Variants in CDIN1 observed in about 807,000 individuals in gnomAD.
The protein encoded by CDIN1 is CDAN1 interacting nuclease 1.
Under a neutral mutation model 45.3 loss-of-function variants are expected in CDIN1, and 33 were observed. The ratio of observed to expected loss-of-function variants is 0.73; its 90% CI spans 0.55 to 0.97. The LOEUF (loss-of-function observed/expected upper bound fraction) is 0.97. Among genes scored for constraint, CDIN1 ranks in the 50% least tolerant of loss-of-function variants. The pLI is 0.00. For missense variants in CDIN1, 303 were observed against 339.4 expected, an observed-to-expected ratio of 0.89 and a Z score of 0.84; for synonymous variants, 118 against 124.4, an observed-to-expected ratio of 0.95 and a Z score of 0.34.
chr15:36,749,313 A>G (rs2053394375), intron 10 of CDIN1, among the ~76,000 whole-genome samples: 1 of 152,190 alleles, frequency 6.6e-6, no homozygotes, highest in African/African-American at 2.4e-5. Flanking sequence ...TGTGATTAAG[A>G]CAAACCAGAT....
At chr15:36,790,347 T>C (rs1223043704) in intron 10 of CDIN1, 1 of 152,206 alleles carries the variant, frequency 6.6e-6, no homozygotes. Flanking sequence ...TGGATTTGTG[T>C]TAACCTAAAA....
At chr15:36,585,011 T>G (rs1279627748) in intron 1 of CDIN1, among the ~76,000 whole-genome samples, 6 of 152,230 alleles carry the variant, frequency 3.9e-5, no homozygotes, top group African/African-American at 1.4e-4. Flanking sequence ...TTGATTGACA[T>G]TTTTTAATCT....
intron 8 of CDIN1, among the ~76,000 whole-genome samples, chr15:36,702,956 T>A (rs998875756): frequency 2.6e-5 from 4 of 151,624 alleles, no homozygotes; most frequent in Non-Finnish European, 5.9e-5. Flanking sequence ...ATCCCAGCAC[T>A]TTGGGAGGCT....
In CDIN1 at chr15:36,677,958, C is replaced by A. The variant is rs1204088768; in HGVS notation, c.347-13727C>A. ...CTATAAGGCTGCAAGTTGCCTGAGA[C>A]AAGGTTCCGATCAGTCTGAACACTC... On this transcript the variant is annotated intron_variant, in intron 5 of 10. Transcript: ENST00000566621. Among the ~76,000 whole-genome samples, 4 of 152,300 alleles carry A rather than the reference C, an allele frequency of 2.6e-5. No individual in the cohort carries two copies. The East Asian group carries it at 5.8e-4, about 22-fold the overall frequency.
At chr15:36,680,485 T>G (rs2041812149) in intron 5 of CDIN1, among the ~76,000 whole-genome samples, 2 of 152,110 alleles carry the variant, frequency 1.3e-5, no homozygotes, top group Non-Finnish European at 2.9e-5. Context: ...GACAAAATTT[T>G]TAAAACTTTA....
chr15:36,671,889 C>A (rs943499589), intron 5 of CDIN1, among the ~76,000 whole-genome samples: 1 of 152,022 alleles, frequency 6.6e-6, no homozygotes, highest in South Asian at 2.1e-4. Flanking sequence ...TGTGGAATCA[C>A]CTTTGGGTCT....
chr15:36,645,295 C>CT lies in CDIN1; in HGVS notation c.212+10dup. The stretch of plus-strand genomic sequence containing the variant: ...TGAAAGTTATTACCAGAGGTATGAC[C>CT]TTCCTGCCCCACTAGAGGGTATCAT... On this transcript the variant is annotated intron_variant, in intron 3 of 10. Transcript: ENST00000566621. The CT allele has an allele frequency of 6.5e-7, 1 of 1,543,928 alleles. No individual in the cohort carries two copies. The highest frequency in any genetic ancestry group is 8.8e-7 in the Non-Finnish European group (1 of 1,140,442).
At chr15:36,614,713 A>C (rs932151170) in intron 1 of CDIN1, among the ~76,000 whole-genome samples, 1 of 152,244 alleles carries the variant, frequency 6.6e-6, no homozygotes, top group Non-Finnish European at 1.5e-5. Context: ...ATTGCTGTCT[A>C]CAAAGTACTA....
chr15:36,652,399 C>T (rs1480222801), intron 3 of CDIN1, among the ~76,000 whole-genome samples: 1 of 151,972 alleles, frequency 6.6e-6, no homozygotes, highest in Non-Finnish European at 1.5e-5. Flanking sequence ...TACGCTGACC[C>T]AGAATCAGAA....
chr15:36,586,992 A>G (rs968868834), intron 1 of CDIN1, among the ~76,000 whole-genome samples: 1 of 152,220 alleles, frequency 6.6e-6, no homozygotes, highest in African/African-American at 2.4e-5. Context: ...TTATTTTGCT[A>G]GTAGACCAAG....
intron 10 of CDIN1, among the ~76,000 whole-genome samples, chr15:36,782,585 C>T (rs576656628): frequency 1.3e-5 from 2 of 152,102 alleles, no homozygotes; most frequent in African/African-American, 2.4e-5. Context: ...TACGAGCAAG[C>T]GCACTTGTGT....
At chr15:36,765,747 A>G (rs1251661950) in intron 10 of CDIN1, among the ~76,000 whole-genome samples, 1 of 152,220 alleles carries the variant, frequency 6.6e-6, no homozygotes, top group East Asian at 1.9e-4. Context: ...TATACCAAAA[A>G]TTGTATCTAT....
intron 10 of CDIN1, among the ~76,000 whole-genome samples, chr15:36,755,603 T>C (rs1386485796): frequency 6.6e-6 from 1 of 151,946 alleles, no homozygotes; most frequent in African/African-American, 2.4e-5. Flanking sequence ...CAGTAAACTG[T>C]CATGCCTAGA....
chr15:36,625,559 A>G (rs1362704025), intron 1 of CDIN1, among the ~76,000 whole-genome samples: 2 of 152,210 alleles, frequency 1.3e-5, no homozygotes, highest in African/African-American at 2.4e-5. Flanking sequence ...AAAATTCGAC[A>G]CCTTGGAGTA....
intron 1 of CDIN1, among the ~76,000 whole-genome samples, chr15:36,621,872 G>GTTTTTTTTTTTT (rs553981750): frequency 9.1e-5 from 13 of 142,382 alleles, no homozygotes; most frequent in Admixed American, 1.4e-4. Flanking sequence ...AACAAGTTCA[G>GTTTTTTTTTTTT]TTTTTTTTTT....
At chr15:36,710,789 T>C (rs543346686) in intron 10 of CDIN1, among the ~76,000 whole-genome samples, 40 of 152,272 alleles carry the variant, frequency 2.6e-4, no homozygotes, top group African/African-American at 8.9e-4. Flanking sequence ...CCTTAAGGAA[T>C]GAGACAGTAG....
At chr15:36,674,270 G>T (rs1419108976) in intron 5 of CDIN1, among the ~76,000 whole-genome samples, 1 of 152,120 alleles carries the variant, frequency 6.6e-6, no homozygotes, top group Admixed American at 6.6e-5. Flanking sequence ...TTTTAAATGT[G>T]CTTGATTTAT....
At chr15:36,671,682 T>C (rs907163644) in intron 5 of CDIN1, among the ~76,000 whole-genome samples, 2 of 152,166 alleles carry the variant, frequency 1.3e-5, no homozygotes, top group African/African-American at 4.8e-5. Context: ...GCAGGCCATA[T>C]GATCATGTGA....
At chr15:36,762,965 G>A (rs945948275) in intron 10 of CDIN1, among the ~76,000 whole-genome samples, 2 of 152,112 alleles carry the variant, frequency 1.3e-5, no homozygotes, top group African/African-American at 4.8e-5. Context: ...GTGTGCATGT[G>A]TCTTTATAGC....
Sources: allele counts gnomAD v4.1 joint callset (sites outside exome capture counted in the v4.1 genomes callset), GRCh38; gene constraint gnomAD v4.1.1; transcripts MANE v1.5; gene names NCBI Gene and HGNC (gene_info 2026-07-23, HGNC 2026-07-21).